The following DNAH12 variants were observed in gnomAD, a reference collection of about 807,000 sequenced individuals.
DNAH12 encodes axonemal beta dynein heavy chain 12.
A neutral mutation model predicts 371.5 loss-of-function variants in DNAH12; 285 were observed. That is an observed-to-expected ratio of 0.77 (90% CI 0.70 to 0.85). The LOEUF (loss-of-function observed/expected upper bound fraction) is 0.85. Ranked by LOEUF, DNAH12 falls within the 40% of genes least tolerant of loss-of-function variation. The pLI, the probability that DNAH12 is intolerant of heterozygous loss-of-function variation, is 0.00. For synonymous variants in DNAH12, 1,200 were observed against 1,213.0 expected, an observed-to-expected ratio of 0.99 and a Z score of 0.22; for missense variants, 3,611 against 3,689.4, an observed-to-expected ratio of 0.98 and a Z score of 0.55.
In DNAH12 at chr3:57,293,701, T is replaced by A; in HGVS notation, c.*80A>T. The A allele has an allele frequency of 7.3e-7, 1 of 1,377,808 alleles. No individual in the cohort carries two copies. 85.3% of individuals were successfully genotyped at this position (1,377,808 alleles called of 1,614,324 possible). A position where few individuals can be genotyped will look rare whatever the true frequency, so the allele number is the denominator to read the frequency against. On this transcript the variant is annotated 3_prime_UTR_variant, in exon 74 of 74. Coordinates refer to ENST00000495027, the MANE Select transcript of DNAH12 (RefSeq NM_001366028.2). Reference sequence around the variant, plus strand: ...TTTAAAAGAATAACACCAAAACACTTGGTTTTATAATGTATATATTTTAAG... The same window carrying A: ...TTTAAAAGAATAACACCAAAACACTAGGTTTTATAATGTATATATTTTAAG...
intron 4 of DNAH12, among the ~76,000 whole-genome samples, 198 bp from the exon 5 acceptor site, chr3:57,511,177 T>C (rs908427372): frequency 1.3e-5 from 2 of 152,202 alleles, no homozygotes; most frequent in African/African-American, 2.4e-5. Flanking sequence ...TTATGATGAA[T>C]TCTTGCCAAA....
rs887246354 is a variant in DNAH12 at position 57,447,484 on chromosome 3, G to A, written c.3787-795C>T. On this transcript the variant is annotated intron_variant, in intron 25 of 73. Coordinates refer to ENST00000495027, the MANE Select transcript of DNAH12 (RefSeq NM_001366028.2). ...GACCAAGGCTGTGCATGTAAGGGGGGTAGGGGGAATAAGTGAACTCTGCAG... is the reference window on the plus strand; with the variant it reads ...GACCAAGGCTGTGCATGTAAGGGGGATAGGGGGAATAAGTGAACTCTGCAG... 3.3e-5 allele frequency among the ~76,000 whole-genome samples: 5 copies of A among 152,264 alleles called. No homozygotes were observed. The South Asian group carries it at 6.2e-4, about 19-fold the overall frequency.
At chr3:57,480,965 A>C (rs2066721971) in intron 13 of DNAH12, among the ~76,000 whole-genome samples, 2 of 152,218 alleles carry the variant, frequency 1.3e-5, no homozygotes, top group Admixed American at 6.5e-5. Flanking sequence ...CCAATATCAT[A>C]CTGAATGGGC....
In DNAH12 at chr3:57,324,644, G is replaced by A. The variant is rs139208774; in HGVS notation, c.9979-1025C>T. Among the ~76,000 whole-genome samples the A allele has an allele frequency of 5.3e-3, 811 of 152,274 alleles. 10 individuals carry two copies. Among genetic ancestry groups the A allele is most frequent in the African/African-American group, 0.019 (785 of 41,570 alleles). ...GTCTACAGCTCCCAGCGTGAGCCACGCAGAAGAGGGGTGATTTCTGCATTT... is the reference window on the plus strand; with the variant it reads ...GTCTACAGCTCCCAGCGTGAGCCACACAGAAGAGGGGTGATTTCTGCATTT... On this transcript the variant is annotated intron_variant, in intron 62 of 73. Transcript: ENST00000495027.
At chr3:57,471,739 A>G (rs763782555) in intron 14 of DNAH12, 133 bp from the exon 15 acceptor site, 37 of 691,632 alleles carry the variant, frequency 5.3e-5, no homozygotes, top group Non-Finnish European at 7.6e-5. Context: ...AACAATGCCT[A>G]TAATTACTAA....
intron 11 of DNAH12, among the ~76,000 whole-genome samples, chr3:57,495,152 A>G (rs747590809): frequency 2.0e-5 from 3 of 152,260 alleles, no homozygotes; most frequent in Non-Finnish European, 4.4e-5. Flanking sequence ...TGACAGAAAT[A>G]AATTATACTT....
intron 35 of DNAH12, 144 bp downstream of exon 35, chr3:57,424,878 G>C: frequency 3.9e-6 from 2 of 508,812 alleles, no homozygotes; most frequent in Non-Finnish European, 7.0e-6. Flanking sequence ...CCAGGTGTTA[G>C]GGCAACTTTA....
At chr3:57,504,867 CT>C (rs566605811) in intron 8 of DNAH12, among the ~76,000 whole-genome samples, 189 of 150,842 alleles carry the variant, frequency 1.3e-3, no homozygotes, top group African/African-American at 4.4e-3. Context: ...TTTTTTCTCT[CT>C]TTTTTTTTCT....
intron 59 of DNAH12, among the ~76,000 whole-genome samples, chr3:57,356,184 GTAATCTC>G: frequency 6.6e-6 from 1 of 152,108 alleles, no homozygotes; most frequent in African/African-American, 2.4e-5. Context: ...GCTCACTCCT[GTAATCTC>G]AGCACTTAGG....
chr3:57,508,127 C>A (rs773398347), intron 7 of DNAH12, among the ~76,000 whole-genome samples: 5 of 146,378 alleles, frequency 3.4e-5, no homozygotes, highest in Non-Finnish European at 7.4e-5. Flanking sequence ...ACAAAGCTTG[C>A]AGTGAGCCAA....
At chr3:57,485,160 A>T (rs2066881264) in intron 12 of DNAH12, among the ~76,000 whole-genome samples, 2 of 152,234 alleles carry the variant, frequency 1.3e-5, no homozygotes, top group Admixed American at 6.5e-5. Flanking sequence ...CTACCATTCA[A>T]TCAAGCAATC....
At chr3:57,442,368 GACA>G (rs201163661) in intron 29 of DNAH12, among the ~76,000 whole-genome samples, 3,804 of 151,824 alleles carry the variant, frequency 0.025, 62 homozygotes, top group Non-Finnish European at 0.034. Flanking sequence ...TAAAATATAT[GACA>G]ACAATAGCAC....
chr3:57,431,315 G>A (rs746484664), intron 32 of DNAH12, among the ~76,000 whole-genome samples: 27 of 152,022 alleles, frequency 1.8e-4, no homozygotes, highest in Admixed American at 3.9e-4. Context: ...CTATAACTCT[G>A]GCCTGATCCA....
At position 57,394,156 on chromosome 3, in the gene DNAH12, C is replaced by T. The variant is rs2063690153; in HGVS notation, c.7110+15G>A. 6.6e-6 allele frequency: 1 copy of T among 152,090 alleles called. No homozygotes were observed. The highest frequency in any genetic ancestry group is 1.5e-5 in the Non-Finnish European group (1 of 68,018). 9.4% of individuals were successfully genotyped at this position (152,090 alleles called of 1,614,324 possible). On this transcript the variant is annotated intron_variant, in intron 44 of 73. Transcript: ENST00000495027. Reference sequence around the variant, plus strand: ...GTTTTTGTGCTAGAAGCAGCACTTCCCCAAAAGCATTTACCTCCATCACTT... The same window carrying T: ...GTTTTTGTGCTAGAAGCAGCACTTCTCCAAAAGCATTTACCTCCATCACTT...
At chr3:57,412,255 G>A (rs952313439) in intron 39 of DNAH12, among the ~76,000 whole-genome samples, 12 of 152,050 alleles carry the variant, frequency 7.9e-5, no homozygotes, top group Non-Finnish European at 1.3e-4. Context: ...GGACATACAC[G>A]TGTAAAAAAT....
At chr3:57,489,374 T>C (rs926862007) in intron 12 of DNAH12, 135 bp downstream of exon 12, 16 of 857,744 alleles carry the variant, frequency 1.9e-5, no homozygotes, top group Admixed American at 8.0e-5. Context: ...CAAAGGCACC[T>C]CTATAGGAGG....
intron 60 of DNAH12, among the ~76,000 whole-genome samples, chr3:57,337,312 G>A (rs532365941): frequency 9.9e-5 from 15 of 152,034 alleles, no homozygotes; most frequent in East Asian, 3.9e-4. Context: ...GCTCCAGACC[G>A]GCCTGGGTCA....
chr3:57,422,625 A>G (rs1002344174), intron 35 of DNAH12, among the ~76,000 whole-genome samples: 1 of 152,238 alleles, frequency 6.6e-6, no homozygotes, highest in African/African-American at 2.4e-5. Flanking sequence ...CAACATAGTA[A>G]GACCCCATCT....
At chr3:57,388,121 A>T (rs1438516115) in intron 45 of DNAH12, among the ~76,000 whole-genome samples, 1 of 152,134 alleles carries the variant, frequency 6.6e-6, no homozygotes, top group Non-Finnish European at 1.5e-5. Flanking sequence ...GCTTTCCTGG[A>T]ATATGCCAAG....
Sources: allele counts gnomAD v4.1 joint callset (sites outside exome capture counted in the v4.1 genomes callset), GRCh38; gene constraint gnomAD v4.1.1; transcripts MANE v1.5; gene names NCBI Gene and HGNC (gene_info 2026-07-23, HGNC 2026-07-21).